Variants in GPC5 observed in about 807,000 individuals in gnomAD.
GPC5 encodes glypican 5, also known as glypican-5.
A neutral mutation model predicts 53.9 loss-of-function variants in GPC5; 47 were observed. The ratio of observed to expected loss-of-function variants is 0.87; its 90% CI spans 0.69 to 1.11. The LOEUF (loss-of-function observed/expected upper bound fraction) is 1.11, where lower values mean the gene tolerates loss of function less well. Ranked by LOEUF, GPC5 falls within the 50% of genes most tolerant of loss-of-function variation. The pLI is 0.00. For missense variants in GPC5, 748 were observed against 713.1 expected (o/e 1.05, Z -0.56); for synonymous variants, 286 against 263.3 (o/e 1.09, Z -0.84).
intron 7 of GPC5, among the ~76,000 whole-genome samples, chr13:92,477,838 C>A (rs1371650262): frequency 2.0e-5 from 3 of 151,888 alleles, no homozygotes; most frequent in Admixed American, 1.3e-4. Flanking sequence ...AGCAGTCATT[C>A]ACTGCACAGC....
chr13:92,068,569 C>T lies in GPC5; in HGVS notation c.1402-76261C>T, dbSNP rs1243618536. Among the ~76,000 whole-genome samples, 3 of 151,444 alleles carry T rather than the reference C, an allele frequency of 2.0e-5. No individual in the cohort carries two copies. In the East Asian group the frequency reaches 5.8e-4, roughly 29 times the overall value. ...CTTGTTTCTGATCCCCTAAGGAAAG[C>T]TTTCCATATTTCCTTATTAATTATA... is the stretch of plus-strand genomic sequence containing the variant. On this transcript the variant is annotated intron_variant, in intron 6 of 7. Transcript: ENST00000377067.
intron 7 of GPC5, among the ~76,000 whole-genome samples, chr13:92,602,421 C>T (rs1884108920): frequency 6.6e-6 from 1 of 151,604 alleles, no homozygotes; most frequent in African/African-American, 2.4e-5. Context: ...CGACTTAGAG[C>T]TCTGTTGATT....
chr13:91,997,748 GACCTCAA>G (rs1333564013), intron 6 of GPC5, among the ~76,000 whole-genome samples: 2 of 152,104 alleles, frequency 1.3e-5, no homozygotes, highest in African/African-American at 4.8e-5. Context: ...TTGAACTCCT[GACCTCAA>G]ATGATCTGCC....
intron 2 of GPC5, among the ~76,000 whole-genome samples, chr13:91,480,906 C>T (rs1190118778): frequency 6.6e-6 from 1 of 151,700 alleles, no homozygotes; most frequent in Non-Finnish European, 1.5e-5. Context: ...CCCAAATGGT[C>T]AGGTGGCAGT....
intron 7 of GPC5, among the ~76,000 whole-genome samples, chr13:92,602,208 T>TA (rs1884084053): frequency 9.4e-6 from 1 of 106,898 alleles, no homozygotes; most frequent in African/African-American, 3.3e-5. Context: ...ATATATATAT[T>TA]ACATATATAT....
intron 7 of GPC5, among the ~76,000 whole-genome samples, chr13:92,282,079 C>T (rs1476932149): frequency 6.6e-6 from 1 of 152,160 alleles, no homozygotes; most frequent in Admixed American, 6.5e-5. Flanking sequence ...AAAACCATGG[C>T]ACGAGAACTA....
At chr13:92,316,458 A>G (rs1057112976) in intron 7 of GPC5, among the ~76,000 whole-genome samples, 41 of 152,138 alleles carry the variant, frequency 2.7e-4, no homozygotes, top group Non-Finnish European at 8.8e-5. Context: ...GGCTTTCAGT[A>G]TAATTACTTT....
intron 7 of GPC5, among the ~76,000 whole-genome samples, chr13:92,520,944 A>G (rs1481756620): frequency 6.6e-6 from 1 of 152,234 alleles, no homozygotes; most frequent in African/African-American, 2.4e-5. Context: ...TCAGGATGGA[A>G]AATCAATGTG....
chr13:92,252,158 G>T (rs1285350582), intron 7 of GPC5, among the ~76,000 whole-genome samples: 5 of 152,080 alleles, frequency 3.3e-5, no homozygotes, highest in Non-Finnish European at 5.9e-5. Context: ...ACACATGACT[G>T]GCCTCTGTGA....
chr13:92,109,451 C>A (rs1251906026), intron 6 of GPC5, among the ~76,000 whole-genome samples: 1 of 152,134 alleles, frequency 6.6e-6, no homozygotes, highest in Non-Finnish European at 1.5e-5. Flanking sequence ...CAAACTCTTT[C>A]CTTCAATTGC....
Position 92,304,668 on chromosome 13 carries a change from CA to C in GPC5, c.1561+159682del, listed in dbSNP as rs532738043. Among the ~76,000 whole-genome samples, 766 of 134,588 alleles carry C rather than the reference CA, an allele frequency of 5.7e-3. 7 individuals carry two copies. The highest frequency in any genetic ancestry group is 7.6e-3 in the Non-Finnish European group (491 of 64,376). The allele number at this position is 134,588 out of a possible 152,430, so 88.3% of individuals were successfully genotyped here. ...AGTGGAATTATTTCAAATGCTTTCT[CA>C]AATATGTAAGTTAAATATTTCACCT... On this transcript the variant is annotated intron_variant, in intron 7 of 7. Transcript: ENST00000377067.
intron 3 of GPC5, among the ~76,000 whole-genome samples, chr13:91,725,525 C>G (rs2036558729): frequency 6.6e-6 from 1 of 152,078 alleles, no homozygotes; most frequent in Admixed American, 6.5e-5. Flanking sequence ...AGCAAGTCAA[C>G]AAATATAAGG....
intron 6 of GPC5, among the ~76,000 whole-genome samples, chr13:91,950,559 C>G (rs2139058875): frequency 6.6e-6 from 1 of 152,064 alleles, no homozygotes; most frequent in East Asian, 1.9e-4. Context: ...TGGACATATC[C>G]CTAATATTTT....
At chr13:92,858,641 T>C (rs563827104) in intron 7 of GPC5, among the ~76,000 whole-genome samples, 1 of 151,888 alleles carries the variant, frequency 6.6e-6, no homozygotes, top group Non-Finnish European at 1.5e-5. Context: ...AAATAGACAA[T>C]GGTGACTCCA....
intron 7 of GPC5, among the ~76,000 whole-genome samples, chr13:92,249,087 T>C (rs1266995311): frequency 6.6e-6 from 1 of 152,150 alleles, no homozygotes; most frequent in Non-Finnish European, 1.5e-5. Context: ...TGAGATATTT[T>C]GATACAGGCA....
intron 2 of GPC5, among the ~76,000 whole-genome samples, chr13:91,581,850 T>C (rs915544579): frequency 6.6e-6 from 1 of 151,994 alleles, no homozygotes; most frequent in Non-Finnish European, 1.5e-5. Flanking sequence ...GGACTATATA[T>C]ATAAATTAGA....
At chr13:92,116,420 A>G (rs79494993) in intron 6 of GPC5, among the ~76,000 whole-genome samples, 3,177 of 152,298 alleles carry the variant, frequency 0.021, 115 homozygotes, top group African/African-American at 0.073. Flanking sequence ...CCTCCAGAGA[A>G]AATAAACTTC....
intron 7 of GPC5, among the ~76,000 whole-genome samples, chr13:92,470,784 G>A (rs1340085481): frequency 1.3e-5 from 2 of 152,168 alleles, no homozygotes; most frequent in Non-Finnish European, 2.9e-5. Context: ...CTATTAACGT[G>A]GGTGTAAATA....
At chr13:91,996,645 C>T (rs1450388081) in intron 6 of GPC5, 1 of 152,152 alleles carries the variant, frequency 6.6e-6, no homozygotes, top group Admixed American at 6.5e-5. Context: ...ATGGCAAGGA[C>T]TTGAAAAAGC....
Sources: allele counts gnomAD v4.1 joint callset (sites outside exome capture counted in the v4.1 genomes callset), GRCh38; gene constraint gnomAD v4.1.1; transcripts MANE v1.5; gene names NCBI Gene and HGNC (gene_info 2026-07-23, HGNC 2026-07-21).